CCDC141: variants seen among roughly 807,000 people sequenced by gnomAD.
CCDC141 encodes coiled-coil domain-containing protein 141.
In CCDC141, 168 loss-of-function variants were observed where a neutral mutation model predicts 181.0. The observed-to-expected ratio is 0.93, with a 90% CI of 0.82 to 1.05. The LOEUF (loss-of-function observed/expected upper bound fraction) is 1.05, where lower values mean the gene tolerates loss of function less well. CCDC141 is among the 50% of genes least tolerant of loss of function. CCDC141 has a pLI of 0.00. For missense variants in CCDC141, 1,902 were observed against 1,788.5 expected (o/e 1.06, Z -1.14); for synonymous variants, 666 against 642.3 (o/e 1.04, Z -0.56).
At chr2:178,905,087 C>A (rs572783476) in intron 8 of CCDC141, among the ~76,000 whole-genome samples, 2 of 152,122 alleles carry the variant, frequency 1.3e-5, no homozygotes, top group African/African-American at 4.8e-5. Context: ...TCCTCAGAAA[C>A]GAGTAAACAG....
chr2:178,869,965 C>T (rs1289252633), intron 14 of CCDC141, among the ~76,000 whole-genome samples: 1 of 152,152 alleles, frequency 6.6e-6, no homozygotes, highest in African/African-American at 2.4e-5. Flanking sequence ...GGCATGGTGG[C>T]TCACGCCTGT....
chr2:179,028,133 T>G (rs1311527802), intron 2 of CCDC141, among the ~76,000 whole-genome samples: 2 of 152,206 alleles, frequency 1.3e-5, no homozygotes, highest in Non-Finnish European at 2.9e-5. Flanking sequence ...CACTGGGCAT[T>G]ACAAGGCTGG....
intron 7 of CCDC141, among the ~76,000 whole-genome samples, chr2:178,912,201 C>T (rs1688247058): frequency 1.3e-5 from 2 of 152,082 alleles, no homozygotes; most frequent in African/African-American, 4.8e-5. Context: ...AGAAATCTAC[C>T]CAGAAATAAA....
At chr2:178,954,409 T>C (rs1183455566) in intron 5 of CCDC141, among the ~76,000 whole-genome samples, 2 of 152,212 alleles carry the variant, frequency 1.3e-5, no homozygotes, top group African/African-American at 4.8e-5. Flanking sequence ...TGAAAGAACA[T>C]GCTATAATTA....
At chr2:178,934,261 C>T (rs1226616889) in intron 6 of CCDC141, among the ~76,000 whole-genome samples, 1 of 152,070 alleles carries the variant, frequency 6.6e-6, no homozygotes, top group African/African-American at 2.4e-5. Context: ...ATTATACGAA[C>T]ATTATTTCTG....
intron 8 of CCDC141, among the ~76,000 whole-genome samples, chr2:178,894,956 T>G (rs960864140): frequency 6.6e-6 from 1 of 152,088 alleles, no homozygotes; most frequent in Admixed American, 6.6e-5. Context: ...TTGGAAAACA[T>G]AAAAATATCT....
chr2:178,971,397 C>T (rs1052770799), intron 4 of CCDC141, among the ~76,000 whole-genome samples: 2 of 152,084 alleles, frequency 1.3e-5, no homozygotes, highest in African/African-American at 4.8e-5. Flanking sequence ...GTTAGAATGG[C>T]AATCATCAAA....
Position 179,032,461 on chromosome 2 carries a change from C to G in CCDC141, c.225+14823G>C, listed in dbSNP as rs554288764. Among the ~76,000 whole-genome samples, 136 of 152,264 alleles carry G rather than the reference C, an allele frequency of 8.9e-4. 1 individual carries two copies. The highest frequency in any genetic ancestry group is 3.0e-3 in the African/African-American group (123 of 41,554). ...CCTCTCCCTCTCTGACCCTTGGATCCTTTTTCCTCTGCTCACAACTAAAAG... is the reference window on the plus strand; with the variant it reads ...CCTCTCCCTCTCTGACCCTTGGATCGTTTTTCCTCTGCTCACAACTAAAAG... On this transcript the variant is annotated intron_variant, in intron 2 of 23. Transcript: ENST00000443758.
At chr2:179,007,107 G>A (rs148751870) in intron 2 of CCDC141, among the ~76,000 whole-genome samples, 1 of 152,158 alleles carries the variant, frequency 6.6e-6, no homozygotes, top group Non-Finnish European at 1.5e-5. Flanking sequence ...ATTAAAGTCT[G>A]GAAAATCAGG....
chr2:178,921,612 T>C (rs1447248071), intron 6 of CCDC141, among the ~76,000 whole-genome samples: 2 of 152,162 alleles, frequency 1.3e-5, no homozygotes, highest in Admixed American at 6.5e-5. Context: ...TTAATGTGCA[T>C]TGAGACTCTC....
At chr2:178,978,396 A>G in intron 3 of CCDC141, 88 bp downstream of exon 3, 1 of 846,430 alleles carries the variant, frequency 1.2e-6, no homozygotes, top group Non-Finnish European at 1.6e-6. Flanking sequence ...ACTGCTTGCA[A>G]TGTCTATTTG....
At chr2:178,988,601 A>G (rs1691875692) in intron 2 of CCDC141, among the ~76,000 whole-genome samples, 1 of 152,198 alleles carries the variant, frequency 6.6e-6, no homozygotes, top group South Asian at 2.1e-4. Flanking sequence ...CACAGATTCA[A>G]TGTAATCAAT....
chr2:179,013,174 C>T (rs1219910965), intron 2 of CCDC141, among the ~76,000 whole-genome samples: 4 of 152,116 alleles, frequency 2.6e-5, no homozygotes, highest in African/African-American at 9.7e-5. Context: ...GGATGTCAAA[C>T]TGCCCCTGTT....
chr2:178,877,732 G>A, intron 12 of CCDC141: 1 of 563,218 alleles, frequency 1.8e-6, no homozygotes, highest in Non-Finnish European at 3.1e-6. Flanking sequence ...TTGGATTACA[G>A]TCACTTTCTT....
chr2:178,870,558 C>T (rs1686072619), intron 14 of CCDC141, among the ~76,000 whole-genome samples: 1 of 152,144 alleles, frequency 6.6e-6, no homozygotes, highest in Non-Finnish European at 1.5e-5. Flanking sequence ...AGGCCAGTCA[C>T]ATTTGCTGAG....
chr2:178,848,987 A>G (rs1170397709), intron 21 of CCDC141, among the ~76,000 whole-genome samples: 1 of 152,162 alleles, frequency 6.6e-6, no homozygotes, highest in African/African-American at 2.4e-5. Context: ...ATGCACGAAG[A>G]TGTTCATTGT....
chr2:178,862,926 A>T (rs1035690599), intron 17 of CCDC141, among the ~76,000 whole-genome samples: 3 of 152,202 alleles, frequency 2.0e-5, no homozygotes, highest in Admixed American at 6.5e-5. Context: ...CAAGAAAGAA[A>T]TTTTTTTGAA....
intron 4 of CCDC141, among the ~76,000 whole-genome samples, chr2:178,972,717 G>T (rs1186153559): frequency 6.6e-6 from 1 of 152,172 alleles, no homozygotes; most frequent in East Asian, 1.9e-4. Flanking sequence ...TTAACCCCAA[G>T]GAGAGAAGTC....
intron 2 of CCDC141, among the ~76,000 whole-genome samples, chr2:179,014,534 C>A (rs1016280638): frequency 6.6e-6 from 1 of 151,984 alleles, no homozygotes; most frequent in Non-Finnish European, 1.5e-5. Flanking sequence ...TGACAAAGGA[C>A]TAATATCCAG....
Sources: allele counts gnomAD v4.1 joint callset (sites outside exome capture counted in the v4.1 genomes callset), GRCh38; gene constraint gnomAD v4.1.1; transcripts MANE v1.5; gene names NCBI Gene and HGNC (gene_info 2026-07-23, HGNC 2026-07-21).